PALLD: variants seen among roughly 807,000 people sequenced by gnomAD.
PALLD encodes palladin.
PALLD carries 61 observed loss-of-function variants against 123.5 expected under a neutral mutation model. That is an observed-to-expected ratio of 0.49 (90% CI 0.40 to 0.61). PALLD has a LOEUF of 0.61. Ranked by LOEUF, PALLD falls within the 20% of genes least tolerant of loss-of-function variation. The pLI, the probability that PALLD is intolerant of heterozygous loss-of-function variation, is 0.00. For missense variants in PALLD, 1,273 were observed against 1,377.0 expected (o/e 0.92, Z 1.20); for synonymous variants, 465 against 496.4 (o/e 0.94, Z 0.84).
In PALLD at chr4:168,683,033, T is replaced by C. The variant is rs1458804637; in HGVS notation, c.1190T>C (p.Ile397Thr). Residue 397 changes from isoleucine (I) to threonine (T), a missense_variant, in exon 5 of 22, where the codon ATA becomes ACA. Coordinates refer to ENST00000505667, the MANE Select transcript of PALLD (RefSeq NM_001166108.2). ...QKKTTSVSLT[I>T]GSSSPKTGVT... Reference sequence around the variant, plus strand: ...AAAACAACTTCTGTTTCCTTGACAATAGGATCATCATCTCCAAAGACAGGG... The same window carrying C: ...AAAACAACTTCTGTTTCCTTGACAACAGGATCATCATCTCCAAAGACAGGG... 1.2e-6 allele frequency: 2 copies of C among 1,612,218 alleles called. No homozygotes were observed. The highest frequency in any genetic ancestry group is 2.2e-5 in the East Asian group (1 of 44,866).
chr4:168,787,686 T>C (rs1368278457), intron 10 of PALLD, among the ~76,000 whole-genome samples: 1 of 152,226 alleles, frequency 6.6e-6, no homozygotes, highest in Admixed American at 6.5e-5. Context: ...AACACTTGTG[T>C]ATAAAAAGGC....
Position 168,563,454 on chromosome 4 carries a change from A to G in PALLD, c.908+51042A>G, listed in dbSNP as rs576125826. 5.3e-5 allele frequency among the ~76,000 whole-genome samples: 8 copies of G among 152,336 alleles called. No individual in the cohort carries two copies. In the East Asian group the frequency reaches 1.5e-3, roughly 29 times the overall value. On this transcript the variant is annotated intron_variant, in intron 2 of 21. Coordinates refer to ENST00000505667, the MANE Select transcript of PALLD (RefSeq NM_001166108.2). ...CTTTCTATTACATCACTCCATCTCCATGATTAAAGTCAAATCTCAGTAAAA... is the reference window on the plus strand; with the variant it reads ...CTTTCTATTACATCACTCCATCTCCGTGATTAAAGTCAAATCTCAGTAAAA...
intron 10 of PALLD, among the ~76,000 whole-genome samples, chr4:168,870,161 G>A (rs1750886379): frequency 6.6e-6 from 1 of 152,126 alleles, no homozygotes. Flanking sequence ...GAGGGGAAAG[G>A]GTTATTAACA....
chr4:168,881,970 A>G (rs1356836842), intron 10 of PALLD, among the ~76,000 whole-genome samples: 1 of 152,170 alleles, frequency 6.6e-6, no homozygotes, highest in African/African-American at 2.4e-5. Context: ...CCAGACTGGC[A>G]CTGTTTCTTT....
At chr4:168,642,443 C>T (rs2149876081) in intron 2 of PALLD, among the ~76,000 whole-genome samples, 1 of 151,914 alleles carries the variant, frequency 6.6e-6, no homozygotes, top group East Asian at 1.9e-4. Context: ...ACTGTTTTGC[C>T]CAGGCTGGAG....
chr4:168,897,388 AAAGTT>A (rs1348563827), intron 13 of PALLD, among the ~76,000 whole-genome samples: 1 of 152,246 alleles, frequency 6.6e-6, no homozygotes, highest in Non-Finnish European at 1.5e-5. Flanking sequence ...AAACATAGTT[AAAGTT>A]ATCTTTCATT....
At chr4:168,866,322 T>C (rs539682235) in intron 10 of PALLD, among the ~76,000 whole-genome samples, 3 of 152,172 alleles carry the variant, frequency 2.0e-5, no homozygotes, top group Non-Finnish European at 4.4e-5. Context: ...CAAATCCAAT[T>C]ATTTTGGAAA....
intron 3 of PALLD, 41 bp downstream of exon 3, chr4:168,668,409 A>T: frequency 6.7e-7 from 1 of 1,497,972 alleles, no homozygotes; most frequent in Non-Finnish European, 9.1e-7. Context: ...AAGGGGTGTC[A>T]ATGGTCTAAT....
At chr4:168,883,620 C>A (rs1752931851) in intron 10 of PALLD, among the ~76,000 whole-genome samples, 1 of 152,142 alleles carries the variant, frequency 6.6e-6, no homozygotes, top group Non-Finnish European at 1.5e-5. Context: ...AAAAAAGAGA[C>A]CTCTTGGGAT....
At chr4:168,797,447 T>G (rs1460825985) in intron 10 of PALLD, among the ~76,000 whole-genome samples, 1 of 152,070 alleles carries the variant, frequency 6.6e-6, no homozygotes, top group African/African-American at 2.4e-5. Flanking sequence ...TAATTCCTAA[T>G]AAAGGAGTTT....
intron 13 of PALLD, chr4:168,898,124 TACAGAAGGAAA>T (rs139386005): frequency 0.12 from 36,017 of 310,612 alleles, 2,301 homozygotes; most frequent in African/African-American, 0.17. Flanking sequence ...GCTTTTACCC[TACAGAAGGAAA>T]TCAGCGTTCC....
At chr4:168,810,452 C>G (rs1025002429) in intron 10 of PALLD, among the ~76,000 whole-genome samples, 1 of 151,796 alleles carries the variant, frequency 6.6e-6, no homozygotes, top group South Asian at 2.1e-4. Context: ...GTCAGGAGTT[C>G]GAGACCAGCC....
chr4:168,765,948 T>C (rs1406366456), intron 10 of PALLD, among the ~76,000 whole-genome samples: 1 of 152,230 alleles, frequency 6.6e-6, no homozygotes, highest in Admixed American at 6.5e-5. Flanking sequence ...GAAAATGCTT[T>C]GAATGTTATT....
intron 1 of PALLD, among the ~76,000 whole-genome samples, chr4:168,505,165 G>A (rs934228405): frequency 4.6e-5 from 7 of 152,182 alleles, no homozygotes; most frequent in East Asian, 1.9e-4. Flanking sequence ...CCTAGACCAC[G>A]TGCATGTTCC....
chr4:168,788,018 G>C (rs1736988976), intron 10 of PALLD, among the ~76,000 whole-genome samples: 1 of 152,226 alleles, frequency 6.6e-6, no homozygotes, highest in Non-Finnish European at 1.5e-5. Context: ...TTGTTAAACT[G>C]TAACTAATCT....
intron 2 of PALLD, among the ~76,000 whole-genome samples, chr4:168,542,717 C>CATATATATATAT (rs70961531): frequency 1.8e-3 from 160 of 88,810 alleles, no homozygotes; most frequent in South Asian, 2.7e-3. Flanking sequence ...CTAACCTTTC[C>CATATATATATAT]ATATATATAT....
chr4:168,555,660 G>A (rs1767205053), intron 2 of PALLD, among the ~76,000 whole-genome samples: 1 of 152,218 alleles, frequency 6.6e-6, no homozygotes, highest in Non-Finnish European at 1.5e-5. Context: ...GTGAGGCAGA[G>A]TGCCGCAAAA....
At chr4:168,704,780 A>C (rs1157073748) in intron 8 of PALLD, among the ~76,000 whole-genome samples, 1 of 152,076 alleles carries the variant, frequency 6.6e-6, no homozygotes, top group Non-Finnish European at 1.5e-5. Context: ...AAGACAATTC[A>C]GGAAACTACA....
In PALLD at chr4:168,711,854, C is replaced by A. The variant is rs747576887; in HGVS notation, c.1895C>A (p.Ser632Tyr). ...LINGKANSNK[S>Y]LPTPAVLLSP... ...AACGGCAAAGCTAACAGTAATAAATCTCTTCCAACACCAGCTGTCCTGCTT... is the reference window on the plus strand; with the variant it reads ...AACGGCAAAGCTAACAGTAATAAATATCTTCCAACACCAGCTGTCCTGCTT... The change falls in exon 10 of 22, where the codon TCT becomes TAT. Residue 632 changes from serine to tyrosine, a missense_variant. By Grantham distance (144) the Ser-to-Tyr change is moderately radical. Transcript: ENST00000505667. The A allele has an allele frequency of 6.2e-7, 1 of 1,614,042 alleles. No homozygotes were observed. The highest frequency in any genetic ancestry group is 2.2e-5 in the East Asian group (1 of 44,890).
Sources: gnomAD v4.1 joint callset for allele counts (sites outside exome capture counted in the v4.1 genomes callset) on GRCh38, gnomAD v4.1.1 for gene constraint, MANE v1.5 for transcripts, NCBI Gene and HGNC (gene_info 2026-07-23, HGNC 2026-07-21) for gene names.